Variants in ENTHD1 observed in about 807,000 individuals in gnomAD.
The protein encoded by ENTHD1 is ENTH domain containing 1, also known as ENTH domain-containing protein 1.
Under a neutral mutation model 39.1 loss-of-function variants are expected in ENTHD1, and 23 were observed. That is an observed-to-expected ratio of 0.59 (90% confidence interval 0.42 to 0.83). The LOEUF (loss-of-function observed/expected upper bound fraction) is 0.83. Ranked by LOEUF, ENTHD1 falls within the 40% of genes least tolerant of loss-of-function variation. ENTHD1 has a pLI of 0.00. For synonymous variants in ENTHD1, 230 were observed against 258.2 expected, an observed-to-expected ratio of 0.89 and a Z score of 1.05; for missense variants, 624 against 705.4, an observed-to-expected ratio of 0.88 and a Z score of 1.31.
intron 3 of ENTHD1, among the ~76,000 whole-genome samples, chr22:39,846,783 AC>A (rs2065992526): frequency 6.6e-6 from 1 of 152,212 alleles, no homozygotes; most frequent in Non-Finnish European, 1.5e-5. Context: ...GCCAAAAGAC[AC>A]ATGAAAAAAT....
At chr22:39,769,868 A>C (rs1235054815) in intron 5 of ENTHD1, among the ~76,000 whole-genome samples, 1 of 152,232 alleles carries the variant, frequency 6.6e-6, no homozygotes, top group Non-Finnish European at 1.5e-5. Context: ...GAGTAGAAGC[A>C]GCAAAACCTA....
chr22:39,881,051 G>A (rs2066333377), intron 2 of ENTHD1, among the ~76,000 whole-genome samples: 1 of 152,182 alleles, frequency 6.6e-6, no homozygotes, highest in South Asian at 2.1e-4. Context: ...AAGATTAAAT[G>A]AATTCATACA....
At chr22:39,775,960 C>T (rs770765517) in intron 5 of ENTHD1, among the ~76,000 whole-genome samples, 16 of 152,110 alleles carry the variant, frequency 1.1e-4, no homozygotes, top group Admixed American at 3.3e-4. Flanking sequence ...TGCAGTGGTG[C>T]GATCATGGCT....
Position 39,743,611 on chromosome 22 carries a change from A to T in ENTHD1, c.*68T>A, listed in dbSNP as rs924624631. 8.1e-6 allele frequency: 12 copies of T among 1,475,664 alleles called. No homozygotes were observed. The highest frequency in any genetic ancestry group is 1.1e-5 in the Non-Finnish European group (12 of 1,113,796). The allele number at this position is 1,475,664 out of a possible 1,614,324, so 91.4% of individuals were successfully genotyped here. On this transcript the variant is annotated 3_prime_UTR_variant, in exon 7 of 7. Coordinates refer to ENST00000325157, the MANE Select transcript of ENTHD1 (RefSeq NM_152512.4). ...TTTTGCCATAATAATATGAATTTATACAATGCTAACGTAAGTCTTGGGGAA... is the reference window on the plus strand; with the variant it reads ...TTTTGCCATAATAATATGAATTTATTCAATGCTAACGTAAGTCTTGGGGAA...
intron 2 of ENTHD1, among the ~76,000 whole-genome samples, chr22:39,864,334 A>G (rs1377642318): frequency 1.3e-5 from 2 of 152,102 alleles, no homozygotes; most frequent in Non-Finnish European, 2.9e-5. Flanking sequence ...TGCTTCTGCC[A>G]GGAACTCTTT....
chr22:39,769,669 C>T (rs567978124), intron 5 of ENTHD1, among the ~76,000 whole-genome samples: 1 of 152,048 alleles, frequency 6.6e-6, no homozygotes, highest in East Asian at 1.9e-4. Flanking sequence ...AGAGGAAGGC[C>T]AAGAGAGTAT....
intron 3 of ENTHD1, among the ~76,000 whole-genome samples, chr22:39,860,747 TA>T (rs1393667742): frequency 6.6e-6 from 1 of 152,240 alleles, no homozygotes; most frequent in East Asian, 1.9e-4. Flanking sequence ...CACATTTCAC[TA>T]ATGTTTTTGC....
intron 5 of ENTHD1, among the ~76,000 whole-genome samples, chr22:39,784,333 T>C (rs1011549404): frequency 2.0e-5 from 3 of 152,054 alleles, no homozygotes; most frequent in Admixed American, 6.6e-5. Context: ...TGGAGAACAG[T>C]ATGGAGGTTC....
intron 5 of ENTHD1, among the ~76,000 whole-genome samples, chr22:39,776,505 T>C (rs2065366503): frequency 6.6e-6 from 1 of 152,230 alleles, no homozygotes; most frequent in Non-Finnish European, 1.5e-5. Flanking sequence ...AGTGCTTTTA[T>C]ACCTGCCAAT....
chr22:39,873,484 A>G (rs1181766473), intron 2 of ENTHD1, among the ~76,000 whole-genome samples: 1 of 152,234 alleles, frequency 6.6e-6, no homozygotes, highest in Non-Finnish European at 1.5e-5. Context: ...GCTGTTTAGT[A>G]TACTAATAGC....
chr22:39,830,848 A>C (rs565122705), intron 4 of ENTHD1, among the ~76,000 whole-genome samples: 1 of 152,358 alleles, frequency 6.6e-6, no homozygotes, highest in Admixed American at 6.5e-5. Context: ...ATGGTTCTGT[A>C]TGTTCATACT....
intron 5 of ENTHD1, among the ~76,000 whole-genome samples, chr22:39,817,023 T>C (rs950753939): frequency 7.9e-5 from 12 of 151,854 alleles, no homozygotes; most frequent in Admixed American, 1.3e-4. Flanking sequence ...GAAGAGGAAA[T>C]AGAAATATCT....
At chr22:39,768,286 G>A (rs113449855) in intron 5 of ENTHD1, among the ~76,000 whole-genome samples, 94 of 152,106 alleles carry the variant, frequency 6.2e-4, no homozygotes, top group African/African-American at 1.7e-3. Flanking sequence ...GGTTTCAAAG[G>A]CCCTTCATTG....
In ENTHD1 at chr22:39,745,917, C is replaced by T. The variant is rs111666696; in HGVS notation, c.1220-1634G>A. 2.8e-4 allele frequency among the ~76,000 whole-genome samples: 43 copies of T among 152,206 alleles called. 1 individual carries two copies. The highest frequency in any genetic ancestry group is 9.6e-4 in the African/African-American group (40 of 41,526). On this transcript the variant is annotated intron_variant, in intron 6 of 6. Coordinates refer to ENST00000325157, the MANE Select transcript of ENTHD1 (RefSeq NM_152512.4). ...GAGCCATTCGAATTCTTATTCATTGCATGTAACCTGTTTTATCTCTGAAGC... is the reference window on the plus strand; with the variant it reads ...GAGCCATTCGAATTCTTATTCATTGTATGTAACCTGTTTTATCTCTGAAGC...
chr22:39,884,630 A>G (rs1404843955), intron 2 of ENTHD1, among the ~76,000 whole-genome samples: 1 of 152,206 alleles, frequency 6.6e-6, no homozygotes, highest in Non-Finnish European at 1.5e-5. Context: ...AAGCTACTGT[A>G]ATCAAAACAG....
intron 3 of ENTHD1, among the ~76,000 whole-genome samples, chr22:39,836,668 A>C (rs551726340): frequency 5.0e-4 from 76 of 152,298 alleles, no homozygotes; most frequent in African/African-American, 1.8e-3. Flanking sequence ...TTGTGTCCCC[A>C]CCCAAGTCTC....
intron 5 of ENTHD1, among the ~76,000 whole-genome samples, chr22:39,803,282 T>C (rs966451620): frequency 2.6e-5 from 4 of 151,884 alleles, no homozygotes; most frequent in Non-Finnish European, 4.4e-5. Context: ...AATCTCTCGA[T>C]TTGCGCTTCC....
intron 3 of ENTHD1, among the ~76,000 whole-genome samples, chr22:39,839,728 G>T (rs1404627387): frequency 6.6e-6 from 1 of 152,126 alleles, no homozygotes; most frequent in African/African-American, 2.4e-5. Context: ...CACTTGCTCG[G>T]CATTCAGCAA....
At chr22:39,775,101 T>A (rs1305228491) in intron 5 of ENTHD1, among the ~76,000 whole-genome samples, 1 of 152,220 alleles carries the variant, frequency 6.6e-6, no homozygotes, top group Non-Finnish European at 1.5e-5. Flanking sequence ...AATACTCACA[T>A]TTTTCATTGA....
Sources: gnomAD v4.1 joint callset for allele counts (sites outside exome capture counted in the v4.1 genomes callset) on GRCh38, gnomAD v4.1.1 for gene constraint, MANE v1.5 for transcripts, NCBI Gene and HGNC (gene_info 2026-07-23, HGNC 2026-07-21) for gene names.